Variants in CHLSN observed in about 807,000 individuals in gnomAD.
CHLSN encodes protein cholesin.
At chr7:995,728 G>A in the CHLSN span, among the ~76,000 whole-genome samples, 2 of 152,260 alleles carry the variant, frequency 1.3e-5, no homozygotes, top group African/African-American at 2.4e-5. Context: ...GCTGTGCAAC[G>A]TGCCTTCCTG....
At chr7:1,102,041 C>T in the CHLSN span, among the ~76,000 whole-genome samples, 1 of 152,266 alleles carries the variant, frequency 6.6e-6, no homozygotes, top group African/African-American at 2.4e-5. Flanking sequence ...GCTCTCCCCA[C>T]AGGGGCTGGG....
At chr7:1,069,377 T>G in the CHLSN span, among the ~76,000 whole-genome samples, 3 of 118,448 alleles carry the variant, frequency 2.5e-5, no homozygotes, top group Middle Eastern at 4.0e-3. Flanking sequence ...CTCTCCCCTC[T>G]CCCCTCTCCC....
At chr7:1,042,285 T>A in the CHLSN span, among the ~76,000 whole-genome samples, 1 of 152,126 alleles carries the variant, frequency 6.6e-6, no homozygotes, top group Admixed American at 6.5e-5. Flanking sequence ...ACAACTGCCC[T>A]CAAACACCCT....
the CHLSN span, among the ~76,000 whole-genome samples, chr7:1,022,252 C>T: frequency 2.6e-5 from 4 of 152,324 alleles, no homozygotes; most frequent in Admixed American, 2.0e-4. Context: ...TCCCCACCCA[C>T]GGGCGCCTCC....
the CHLSN span, among the ~76,000 whole-genome samples, chr7:1,044,958 C>T: frequency 6.6e-6 from 1 of 152,272 alleles, no homozygotes; most frequent in Non-Finnish European, 1.5e-5. Context: ...CTCCCATGTC[C>T]GACAGGGCAC....
At chr7:1,121,922 C>A in the CHLSN span, among the ~76,000 whole-genome samples, 61 of 152,332 alleles carry the variant, frequency 4.0e-4, no homozygotes, top group African/African-American at 1.4e-3. Context: ...GGGCAGCGTG[C>A]TGCACCCACC....
chr7:1,016,605 ACAGCAGCGC>A, the CHLSN span, among the ~76,000 whole-genome samples: 1 of 67,042 alleles, frequency 1.5e-5, no homozygotes, highest in African/African-American at 8.5e-5. Context: ...ACAGCAGCGT[ACAGCAGCGC>A]ACGCCAGAGC....
the CHLSN span, among the ~76,000 whole-genome samples, chr7:1,036,574 A>G: frequency 4.6e-5 from 7 of 150,864 alleles, no homozygotes; most frequent in South Asian, 1.3e-3. Context: ...GGGTGTTGAT[A>G]ATGGGGGAGG....
the CHLSN span, among the ~76,000 whole-genome samples, chr7:1,029,496 C>T: frequency 6.6e-6 from 1 of 152,230 alleles, no homozygotes; most frequent in East Asian, 1.9e-4. Flanking sequence ...CTCCTGGACT[C>T]ATGTGATTCT....
chr7:997,615 G>A, the CHLSN span: 83 of 1,586,336 alleles, frequency 5.2e-5, 1 homozygote, highest in Middle Eastern at 5.3e-4. Flanking sequence ...CCCGCCCCGC[G>A]CTGAACCCAC....
At chr7:1,078,226 AG>A in the CHLSN span, among the ~76,000 whole-genome samples, 1 of 152,152 alleles carries the variant, frequency 6.6e-6, no homozygotes, top group Non-Finnish European at 1.5e-5. Context: ...CGGCAGGGCA[AG>A]GAAGTGGAGA....
chr7:1,092,921 C>A, the CHLSN span: 1 of 1,437,428 alleles, frequency 7.0e-7, no homozygotes, highest in Non-Finnish European at 9.7e-7. Context: ...TGGGTGGACA[C>A]AAGGCACGGC....
At chr7:1,055,230 G>A in the CHLSN span, 54 of 470,860 alleles carry the variant, frequency 1.1e-4, no homozygotes, top group South Asian at 6.0e-4. Context: ...AGGGAGGGGC[G>A]GTGGCGCCTG....
the CHLSN span, chr7:997,910 G>T: frequency 1.9e-6 from 2 of 1,080,222 alleles, no homozygotes; most frequent in East Asian, 2.6e-5. Context: ...TCAGGCTTCC[G>T]TCCTCCCACT....
At chr7:1,022,417 C>G in the CHLSN span, among the ~76,000 whole-genome samples, 20 of 152,236 alleles carry the variant, frequency 1.3e-4, no homozygotes, top group Non-Finnish European at 5.9e-5. Context: ...TTTGTCACCT[C>G]AATTATTAGA....
chr7:1,135,797 AATTT>A, the CHLSN span, among the ~76,000 whole-genome samples: 116 of 136,270 alleles, frequency 8.5e-4, no homozygotes, highest in South Asian at 5.1e-3. Context: ...ATATATACAC[AATTT>A]ATTTATTTAT....
the CHLSN span, among the ~76,000 whole-genome samples, chr7:1,008,656 C>G: frequency 8.5e-5 from 13 of 152,272 alleles, no homozygotes; most frequent in East Asian, 2.5e-3. Context: ...TTCCTGAGCC[C>G]GGCGCTGAGC....
At chr7:1,041,960 G>T in the CHLSN span, among the ~76,000 whole-genome samples, 1 of 152,218 alleles carries the variant, frequency 6.6e-6, no homozygotes, top group Non-Finnish European at 1.5e-5. Flanking sequence ...GAATGCGGCA[G>T]GGGAAGGGGA....
At chr7:1,134,526 G>A in the CHLSN span, among the ~76,000 whole-genome samples, 13 of 147,822 alleles carry the variant, frequency 8.8e-5, no homozygotes, top group South Asian at 2.2e-4. Context: ...CCGAGATCGC[G>A]CCACTGCACT....
Sources: gnomAD v4.1 joint callset for allele counts (sites outside exome capture counted in the v4.1 genomes callset) on GRCh38, gnomAD v4.1.1 for gene constraint, MANE v1.5 for transcripts, NCBI Gene and HGNC (gene_info 2026-07-23, HGNC 2026-07-21) for gene names.